FBXW4: variants seen among roughly 807,000 people sequenced by gnomAD.
FBXW4 encodes F-box and WD repeat domain containing 4.
In FBXW4, 40 loss-of-function variants were observed where a neutral mutation model predicts 61.8. The observed-to-expected ratio is 0.65, with a 90% CI of 0.50 to 0.84. The LOEUF is 0.84. Among genes scored for constraint, FBXW4 ranks in the 40% least tolerant of loss-of-function variants. The pLI is 0.00. For missense variants in FBXW4, 672 were observed against 753.8 expected (o/e 0.89, Z 1.27); for synonymous variants, 311 against 313.8 (o/e 0.99, Z 0.10).
intron 1 of FBXW4, among the ~76,000 whole-genome samples, chr10:101,690,864 T>G (rs1313013148): frequency 6.6e-6 from 1 of 152,190 alleles, no homozygotes; most frequent in Non-Finnish European, 1.5e-5. Context: ...TTGTCTTTAG[T>G]CAGCACCTCT....
intron 1 of FBXW4, among the ~76,000 whole-genome samples, chr10:101,693,729 G>A (rs548257074): frequency 3.3e-5 from 5 of 152,036 alleles, no homozygotes; most frequent in East Asian, 1.9e-4. Context: ...TCATTCACAG[G>A]TCTCAGACCC....
intron 1 of FBXW4, among the ~76,000 whole-genome samples, chr10:101,688,229 T>A (rs1484416829): frequency 1.3e-5 from 2 of 152,254 alleles, no homozygotes. Flanking sequence ...AGCCTGGCAG[T>A]CTGCTCTTGT....
intron 4 of FBXW4, among the ~76,000 whole-genome samples, chr10:101,669,815 C>T (rs3925646): frequency 0.97 from 146,875 of 151,394 alleles, 71,408 homozygotes; most frequent in East Asian, 1. Flanking sequence ...AGTGCAGTGG[C>T]GCAATATCAG....
chr10:101,691,620 C>G (rs2134926379), intron 1 of FBXW4, among the ~76,000 whole-genome samples: 1 of 152,236 alleles, frequency 6.6e-6, no homozygotes, highest in South Asian at 2.1e-4. Flanking sequence ...CAATATCTCT[C>G]TTTTAGAGCA....
intron 5 of FBXW4, among the ~76,000 whole-genome samples, chr10:101,627,076 C>G (rs1323248619): frequency 7.3e-6 from 1 of 136,264 alleles, no homozygotes; most frequent in Non-Finnish European, 1.6e-5. Context: ...TAAATAGAGA[C>G]AGGGGTCTCA....
intron 1 of FBXW4, among the ~76,000 whole-genome samples, chr10:101,687,292 G>GA (rs1235221829): frequency 6.6e-6 from 1 of 152,072 alleles, no homozygotes; most frequent in African/African-American, 2.4e-5. Context: ...ACAGCTGCTG[G>GA]AAAAAGACAG....
intron 6 of FBXW4, chr10:101,622,924 T>C (rs1353011695): frequency 6.6e-6 from 1 of 152,054 alleles, no homozygotes; most frequent in African/African-American, 2.4e-5. Flanking sequence ...ATGGCTCTTA[T>C]GCAAGAATGA....
Position 101,618,352 on chromosome 10 carries a change from C to T in FBXW4, c.1302-5875G>A, listed in dbSNP as rs150096317. ...CAGGGGTCAGGATCAAGGAGAGCTT[C>T]GTGGTGGAGGTGCTGTTTATATTGA... On this transcript the variant is annotated intron_variant, in intron 6 of 8. Transcript: ENST00000331272. 4.6e-5 allele frequency among the ~76,000 whole-genome samples: 7 copies of T among 152,268 alleles called. No homozygotes were observed. The South Asian group carries it at 6.2e-4, about 14-fold the overall frequency.
At chr10:101,668,162 T>C (rs1341129793) in intron 4 of FBXW4, among the ~76,000 whole-genome samples, 182 bp from the exon 5 acceptor site, 1 of 152,222 alleles carries the variant, frequency 6.6e-6, no homozygotes, top group Admixed American at 6.5e-5. Flanking sequence ...CCCCCGCAGA[T>C]AGGCCCTAGC....
chr10:101,632,914 T>A (rs1485731046), intron 5 of FBXW4, among the ~76,000 whole-genome samples: 1 of 152,148 alleles, frequency 6.6e-6, no homozygotes, highest in African/African-American at 2.4e-5. Flanking sequence ...GCAGACAATA[T>A]AATTGTCTGC....
chr10:101,619,878 G>T (rs1367435356), intron 6 of FBXW4, among the ~76,000 whole-genome samples: 1 of 152,194 alleles, frequency 6.6e-6, no homozygotes, highest in East Asian at 1.9e-4. Flanking sequence ...AGGGGTCCAG[G>T]TTCTGTGAGA....
chr10:101,627,215 C>A (rs911103382), intron 5 of FBXW4, among the ~76,000 whole-genome samples: 11 of 152,092 alleles, frequency 7.2e-5, no homozygotes, highest in African/African-American at 2.7e-4. Context: ...TTCTTAACTG[C>A]CTAGATGTGA....
At chr10:101,612,594 T>A in intron 6 of FBXW4, 117 bp from the exon 7 acceptor site, 2 of 1,190,034 alleles carry the variant, frequency 1.7e-6, no homozygotes, top group Non-Finnish European at 2.2e-6. Context: ...AGAATGAGAC[T>A]CAAGGAAGGG....
At chr10:101,693,815 G>T (rs2064637110) in intron 1 of FBXW4, among the ~76,000 whole-genome samples, 1 of 152,126 alleles carries the variant, frequency 6.6e-6, no homozygotes, top group African/African-American at 2.4e-5. Context: ...GCCTCAAGCA[G>T]GCCCCCTTTT....
chr10:101,675,782 C>T (rs918295174), intron 2 of FBXW4, among the ~76,000 whole-genome samples: 3 of 152,162 alleles, frequency 2.0e-5, no homozygotes, highest in Non-Finnish European at 4.4e-5. Flanking sequence ...AAATTGGTAG[C>T]ATTAGCAGTG....
chr10:101,650,987 T>C (rs1346431927), intron 5 of FBXW4, among the ~76,000 whole-genome samples: 1 of 152,204 alleles, frequency 6.6e-6, no homozygotes, highest in Non-Finnish European at 1.5e-5. Context: ...ATCTCCCGCC[T>C]GGGCCCTGAG....
intron 4 of FBXW4, among the ~76,000 whole-genome samples, chr10:101,671,620 A>G (rs568475869): frequency 2.0e-5 from 3 of 152,306 alleles, no homozygotes; most frequent in Admixed American, 2.0e-4. Flanking sequence ...GCCTGAAGCC[A>G]TGACAGGAAG....
intron 6 of FBXW4, among the ~76,000 whole-genome samples, chr10:101,622,184 GCTTT>G (rs2063872147): frequency 1.3e-5 from 2 of 150,882 alleles, no homozygotes; most frequent in Non-Finnish European, 3.0e-5. Flanking sequence ...TATGGCTAAT[GCTTT>G]CCTACAGAGA....
intron 1 of FBXW4, among the ~76,000 whole-genome samples, chr10:101,691,129 C>G (rs1340982976): frequency 6.6e-6 from 1 of 152,094 alleles, no homozygotes; most frequent in East Asian, 1.9e-4. Flanking sequence ...AAACTCATCT[C>G]ACTTATCTAG....
Sources: allele counts gnomAD v4.1 joint callset (sites outside exome capture counted in the v4.1 genomes callset), GRCh38; gene constraint gnomAD v4.1.1; transcripts MANE v1.5; gene names NCBI Gene and HGNC (gene_info 2026-07-23, HGNC 2026-07-21).